Variants in CHRM3 observed in about 807,000 individuals in gnomAD.
CHRM3 encodes the protein muscarinic acetylcholine receptor M3.
A neutral mutation model predicts 41.8 loss-of-function variants in CHRM3; 11 were observed. That is an observed-to-expected ratio of 0.26 (90% CI 0.17 to 0.44). The LOEUF (loss-of-function observed/expected upper bound fraction) is 0.44, where lower values mean the gene tolerates loss of function less well. Among genes scored for constraint, CHRM3 ranks in the 20% least tolerant of loss-of-function variants. CHRM3 has a pLI of 1.00. For missense variants in CHRM3, 571 were observed against 745.4 expected (o/e 0.77, Z 2.72); for synonymous variants, 297 against 301.4 (o/e 0.99, Z 0.15).
intron 3 of CHRM3, among the ~76,000 whole-genome samples, chr1:239,580,485 A>G (rs1295243151): frequency 2.0e-5 from 3 of 151,806 alleles, no homozygotes; most frequent in African/African-American, 4.8e-5. Context: ...GCAACTGTTT[A>G]TGCCTTGCTG....
intron 4 of CHRM3, among the ~76,000 whole-genome samples, chr1:239,676,975 A>AT (rs1658064721): frequency 6.6e-6 from 1 of 152,060 alleles, no homozygotes; most frequent in Admixed American, 6.6e-5. Context: ...AGAACATGCC[A>AT]TTCCCCTTCA....
intron 6 of CHRM3, among the ~76,000 whole-genome samples, chr1:239,903,476 G>A (rs536482114): frequency 6.6e-6 from 1 of 152,284 alleles, no homozygotes; most frequent in African/African-American, 2.4e-5. Context: ...ATAATCTAAA[G>A]CTAGCAGTGG....
At chr1:239,823,644 A>G (rs1399197863) in intron 5 of CHRM3, among the ~76,000 whole-genome samples, 1 of 152,082 alleles carries the variant, frequency 6.6e-6, no homozygotes, top group Non-Finnish European at 1.5e-5. Context: ...CATCCTTCAG[A>G]AGCAATTATA....
chr1:239,468,737 G>T (rs1008460065), intron 1 of CHRM3, among the ~76,000 whole-genome samples: 2 of 152,140 alleles, frequency 1.3e-5, no homozygotes, highest in South Asian at 4.1e-4. Flanking sequence ...TGATTCATTT[G>T]TAATGACTTT....
intron 5 of CHRM3, among the ~76,000 whole-genome samples, chr1:239,682,245 G>A (rs571067733): frequency 3.0e-4 from 45 of 152,214 alleles, no homozygotes; most frequent in African/African-American, 1.0e-3. Flanking sequence ...CTTCTCCTTC[G>A]TGAATAGAGC....
At position 239,640,474 on chromosome 1, in the gene CHRM3, T is replaced by A. The variant is rs545371034; in HGVS notation, c.-250+8188T>A. 1.6e-4 allele frequency among the ~76,000 whole-genome samples: 25 copies of A among 152,322 alleles called. No individual in the cohort carries two copies. In the South Asian group the frequency reaches 5.2e-3, roughly 32 times the overall value. ...TATTGGTCTATTCAGAGATTCAACT[T>A]CTTCGTGGTTTAGTCTTGGGAGGGT... On this transcript the variant is annotated intron_variant, in intron 4 of 6. Transcript: ENST00000676153.
At chr1:239,421,049 G>A (rs371221881) in intron 1 of CHRM3, among the ~76,000 whole-genome samples, 28 of 152,128 alleles carry the variant, frequency 1.8e-4, no homozygotes, top group African/African-American at 4.8e-4. Flanking sequence ...CTAAGTACAC[G>A]TATTATTTTA....
Position 239,602,110 on chromosome 1 carries a change from G to GTATATATATATA in CHRM3, c.-312-30095_-312-30084dup, listed in dbSNP as rs1186014237. Among the ~76,000 whole-genome samples, 209 of 112,756 alleles carry GTATATATATATA rather than the reference G, an allele frequency of 1.9e-3. 1 individual carries two copies. Among genetic ancestry groups the GTATATATATATA allele is most frequent in the African/African-American group, 6.9e-3 (201 of 29,150 alleles). The allele number at this position is 112,756 out of a possible 152,430, so 74.0% of individuals were successfully genotyped here. A position where few individuals can be genotyped will look rare whatever the true frequency, so the allele number is the denominator to read the frequency against. On this transcript the variant is annotated intron_variant, in intron 3 of 6. Coordinates refer to ENST00000676153, the MANE Select transcript of CHRM3 (RefSeq NM_001375978.1). Reference sequence around the variant, plus strand: ...TATACATGTGTGTGTGTGTGTGTGTGTATATATATATATATATATATATAT... The same window carrying GTATATATATATA: ...TATACATGTGTGTGTGTGTGTGTGTGTATATATATATATATATATATATATATATATATATAT...
chr1:239,639,770 A>G lies in CHRM3; in HGVS notation c.-250+7484A>G, dbSNP rs868213841. On this transcript the variant is annotated intron_variant, in intron 4 of 6. Coordinates refer to ENST00000676153, the MANE Select transcript of CHRM3 (RefSeq NM_001375978.1). ...TACCCTTTATTTCCTTCTCCTGCCTAATTGCCCTGGCCAGAACTTCCAACA... is the reference window on the plus strand; with the variant it reads ...TACCCTTTATTTCCTTCTCCTGCCTGATTGCCCTGGCCAGAACTTCCAACA... Among the ~76,000 whole-genome samples the G allele has an allele frequency of 6.8e-3, 1,019 of 149,106 alleles. 14 individuals are homozygous for G. Among genetic ancestry groups the G allele is most frequent in the African/African-American group, 0.025 (977 of 39,818 alleles).
At chr1:239,702,149 T>C (rs367604662) in intron 5 of CHRM3, among the ~76,000 whole-genome samples, 5 of 152,294 alleles carry the variant, frequency 3.3e-5, no homozygotes, top group African/African-American at 1.2e-4. Context: ...GCTTGGTGAA[T>C]GTTGCTGCTC....
At chr1:239,727,140 G>A (rs1425953441) in intron 5 of CHRM3, among the ~76,000 whole-genome samples, 1 of 151,840 alleles carries the variant, frequency 6.6e-6, no homozygotes, top group Non-Finnish European at 1.5e-5. Flanking sequence ...CTAACAATGT[G>A]CTTGACACAT....
At chr1:239,698,902 A>G (rs1424261493) in intron 5 of CHRM3, among the ~76,000 whole-genome samples, 1 of 152,184 alleles carries the variant, frequency 6.6e-6, no homozygotes, top group East Asian at 1.9e-4. Context: ...GTTCTTCTTG[A>G]TGAGTTGACA....
At chr1:239,660,915 A>T (rs1455467585) in intron 4 of CHRM3, among the ~76,000 whole-genome samples, 1 of 152,064 alleles carries the variant, frequency 6.6e-6, no homozygotes, top group East Asian at 1.9e-4. Context: ...TTTGTTGAAG[A>T]CTTCTTATAT....
chr1:239,835,581 G>A lies in CHRM3; in HGVS notation c.-20+8203G>A, dbSNP rs551265652. Among the ~76,000 whole-genome samples the A allele has an allele frequency of 1.6e-4, 25 of 152,206 alleles. No homozygotes were observed. The South Asian group carries it at 2.5e-3, about 15-fold the overall frequency. ...GACTGATAAGGCTTGGTTTTCGACC[G>A]TCAAAGCCTTTAGAGTTTTAAACAA... is the stretch of plus-strand genomic sequence containing the variant. On this transcript the variant is annotated intron_variant, in intron 6 of 6. Coordinates refer to ENST00000676153, the MANE Select transcript of CHRM3 (RefSeq NM_001375978.1).
intron 5 of CHRM3, among the ~76,000 whole-genome samples, chr1:239,791,382 G>A (rs1371942493): frequency 6.6e-6 from 1 of 152,200 alleles, no homozygotes; most frequent in Non-Finnish European, 1.5e-5. Context: ...TGGGACTACA[G>A]GCGTGAACCA....
At chr1:239,830,921 A>T (rs1361270777) in intron 6 of CHRM3, among the ~76,000 whole-genome samples, 3 of 152,054 alleles carry the variant, frequency 2.0e-5, no homozygotes, top group Admixed American at 2.0e-4. Flanking sequence ...CTTAGTACCA[A>T]TGGGCTGAGG....
intron 2 of CHRM3, among the ~76,000 whole-genome samples, chr1:239,503,717 C>A: frequency 6.6e-6 from 1 of 152,086 alleles, no homozygotes; most frequent in East Asian, 1.9e-4. Flanking sequence ...TAAAAATAGG[C>A]ACATAGACCA....
At chr1:239,857,387 TTATGATAC>T (rs1675206811) in intron 6 of CHRM3, among the ~76,000 whole-genome samples, 1 of 152,224 alleles carries the variant, frequency 6.6e-6, no homozygotes, top group East Asian at 1.9e-4. Flanking sequence ...AGTTAGTTTA[TTATGATAC>T]TACCACGAAT....
At chr1:239,439,075 C>T (rs1663501698) in intron 1 of CHRM3, among the ~76,000 whole-genome samples, 1 of 152,200 alleles carries the variant, frequency 6.6e-6, no homozygotes, top group Admixed American at 6.5e-5. Flanking sequence ...CTTCTCTTGG[C>T]ATACTTAGTG....
Sources: gnomAD v4.1 joint callset for allele counts (sites outside exome capture counted in the v4.1 genomes callset) on GRCh38, gnomAD v4.1.1 for gene constraint, MANE v1.5 for transcripts, NCBI Gene and HGNC (gene_info 2026-07-23, HGNC 2026-07-21) for gene names.